The following WDR17 variants were observed in gnomAD, a reference collection of about 807,000 sequenced individuals.
WDR17 encodes WD repeat-containing protein 17.
In WDR17, 143 loss-of-function variants were observed where a neutral mutation model predicts 161.7. The observed-to-expected ratio is 0.88, with a 90% CI of 0.77 to 1.02. The LOEUF is 1.02. WDR17 is among the 50% of genes least tolerant of loss of function. The probability of loss-of-function intolerance (pLI) is 0.00; values close to 1 mark genes in which losing one functional copy is unlikely to be tolerated. For synonymous variants in WDR17, 517 were observed against 515.6 expected (o/e 1.00, Z -0.04); for missense variants, 1,469 against 1,520.9 (o/e 0.97, Z 0.57).
At chr4:176,096,431 T>C (rs1052269026) in intron 1 of WDR17, 2 of 1,046,058 alleles carry the variant, frequency 1.9e-6, no homozygotes, top group Non-Finnish European at 2.8e-6. Context: ...TGGTAAATCT[T>C]GTTTGGTTGA....
Position 176,122,153 on chromosome 4 carries a change from G to A in WDR17, c.538+2056G>A, listed in dbSNP as rs539049933. On this transcript the variant is annotated intron_variant, in intron 4 of 28. Coordinates refer to ENST00000508596, the MANE Select transcript of WDR17 (RefSeq NM_181265.4). ...GGATCTGTTCCAGGCCTGTCTCCTGGCTTCCTGTTCCTTGGCTTGTGGCAG... is the reference window on the plus strand; with the variant it reads ...GGATCTGTTCCAGGCCTGTCTCCTGACTTCCTGTTCCTTGGCTTGTGGCAG... Among the ~76,000 whole-genome samples the A allele has an allele frequency of 1.1e-4, 16 of 152,264 alleles. No individual in the cohort carries two copies. In the East Asian group the frequency reaches 1.7e-3, roughly 17 times the overall value.
At chr4:176,133,270 A>C (rs1743825869) in intron 7 of WDR17, among the ~76,000 whole-genome samples, 1 of 130,648 alleles carries the variant, frequency 7.7e-6, no homozygotes, top group Non-Finnish European at 1.7e-5. Context: ...AAAAAAAAAA[A>C]AAAAGAAGAA....
At chr4:176,152,043 A>T in intron 17 of WDR17, 76 bp downstream of exon 17, 1 of 1,458,838 alleles carries the variant, frequency 6.9e-7, no homozygotes, top group Non-Finnish European at 9.2e-7. Flanking sequence ...AATTTTAAGT[A>T]TTAAAAATAA....
At chr4:176,128,443 C>A (rs1054802791) in intron 5 of WDR17, among the ~76,000 whole-genome samples, 2 of 151,962 alleles carry the variant, frequency 1.3e-5, no homozygotes, top group African/African-American at 2.4e-5. Flanking sequence ...TCAATAGGGT[C>A]TTTTTTTGTG....
intron 2 of WDR17, among the ~76,000 whole-genome samples, chr4:176,115,386 T>C (rs186624030): frequency 6.6e-6 from 1 of 152,120 alleles, no homozygotes; most frequent in East Asian, 1.9e-4. Flanking sequence ...AGTGTAATAA[T>C]GAGCAGTTGG....
chr4:176,125,348 A>C lies in WDR17; in HGVS notation c.783A>C (p.Ile261=). Residue 261 remains isoleucine (I), a synonymous_variant, in exon 5 of 29, where the codon ATA becomes ATC. Transcript: ENST00000508596. Reference sequence around the variant, plus strand: ...TTCCCAGTGCTCCTGGGATGTTTATAACTGGAGGTAAGCTAATCCCCATAA... The same window carrying C: ...TTCCCAGTGCTCCTGGGATGTTTATCACTGGAGGTAAGCTAATCCCCATAA... The part of the protein sequence containing the change: ...AWVPSAPGMF[I]TGDSQVGVLR... 2 of 1,613,918 alleles carry C rather than the reference A, an allele frequency of 1.2e-6. No homozygotes were observed. Among genetic ancestry groups the C allele is most frequent in the Non-Finnish European group, 1.7e-6 (2 of 1,179,826 alleles).
At chr4:176,073,595 T>C (rs1198262218) in intron 1 of WDR17, among the ~76,000 whole-genome samples, 2 of 151,366 alleles carry the variant, frequency 1.3e-5, no homozygotes, top group South Asian at 2.1e-4. Context: ...AGCAGCATGA[T>C]TTATAATCCT....
chr4:176,108,942 A>G (rs1739262128), intron 1 of WDR17, among the ~76,000 whole-genome samples: 1 of 152,044 alleles, frequency 6.6e-6, no homozygotes, highest in African/African-American at 2.4e-5. Context: ...GGCACGCGCC[A>G]CCACCCCTGG....
intron 25 of WDR17, 114 bp from the exon 26 acceptor site, chr4:176,174,503 A>G: frequency 1.5e-6 from 1 of 661,542 alleles, no homozygotes. Context: ...TTCTAAACAT[A>G]TATTGCTATA....
At position 176,160,104 on chromosome 4, in the gene WDR17, A is replaced by ATT. The variant is rs1434881463; in HGVS notation, c.2636_2637insTT (p.Lys879AsnfsTer2). On this transcript the variant is annotated frameshift_variant, in exon 19 of 29. Coordinates refer to ENST00000508596, the MANE Select transcript of WDR17 (RefSeq NM_181265.4). LOFTEE classifies it high-confidence loss of function. ...TTTTTCATGTCAAGAGGTCAGCTTA[A>ATT]AGAAGCTCTGCTTGTTGCACAGGTA... 6.2e-7 allele frequency: 1 copy of ATT among 1,613,708 alleles called. No homozygotes were observed. Among genetic ancestry groups the ATT allele is most frequent in the Non-Finnish European group, 8.5e-7 (1 of 1,179,816 alleles).
At chr4:176,094,018 G>T (rs1736467737) in intron 1 of WDR17, among the ~76,000 whole-genome samples, 2 of 152,000 alleles carry the variant, frequency 1.3e-5, no homozygotes, top group African/African-American at 4.8e-5. Flanking sequence ...TATTTACACT[G>T]GACTTATAAT....
At chr4:176,117,091 A>G (rs924693392) in intron 3 of WDR17, among the ~76,000 whole-genome samples, 1 of 152,000 alleles carries the variant, frequency 6.6e-6, no homozygotes, top group Non-Finnish European at 1.5e-5. Flanking sequence ...AAAATATTGT[A>G]AAAAGTCAGC....
chr4:176,078,635 A>T (rs1734356881), intron 1 of WDR17, among the ~76,000 whole-genome samples: 1 of 152,134 alleles, frequency 6.6e-6, no homozygotes, highest in Non-Finnish European at 1.5e-5. Flanking sequence ...AAATTCTTCA[A>T]CTGGAAGATA....
intron 3 of WDR17, among the ~76,000 whole-genome samples, chr4:176,118,667 C>G (rs1051817087): frequency 9.9e-5 from 15 of 152,254 alleles, no homozygotes; most frequent in Non-Finnish European, 2.1e-4. Flanking sequence ...ACCCCTCCTT[C>G]TAGGTATAAT....
intron 3 of WDR17, among the ~76,000 whole-genome samples, chr4:176,116,370 T>C (rs1740640021): frequency 6.6e-6 from 1 of 151,904 alleles, no homozygotes; most frequent in Non-Finnish European, 1.5e-5. Context: ...ATGCATATAT[T>C]TGATGCATTG....
chr4:176,087,796 C>A (rs1735607651), intron 1 of WDR17, among the ~76,000 whole-genome samples: 1 of 152,014 alleles, frequency 6.6e-6, no homozygotes, highest in East Asian at 1.9e-4. Flanking sequence ...AAATTTCAGC[C>A]ATTGTGTTTT....
intron 1 of WDR17, among the ~76,000 whole-genome samples, chr4:176,077,937 A>G (rs942661209): frequency 2.6e-5 from 4 of 152,110 alleles, no homozygotes; most frequent in Admixed American, 6.6e-5. Context: ...CCTAAATTTC[A>G]AGATTAAACA....
At chr4:176,123,279 A>C (rs1265059090) in intron 4 of WDR17, among the ~76,000 whole-genome samples, 1 of 152,182 alleles carries the variant, frequency 6.6e-6, no homozygotes, top group Non-Finnish European at 1.5e-5. Context: ...CTCACAGCAC[A>C]GTTCTGACAC....
At chr4:176,096,930 A>T (rs1014114380) in intron 1 of WDR17, among the ~76,000 whole-genome samples, 6 of 151,880 alleles carry the variant, frequency 4.0e-5, no homozygotes, top group African/African-American at 1.2e-4. Flanking sequence ...AAAGAAAATC[A>T]TTTCATGAAA....
Sources: allele counts gnomAD v4.1 joint callset (sites outside exome capture counted in the v4.1 genomes callset), GRCh38; gene constraint gnomAD v4.1.1; transcripts MANE v1.5; gene names NCBI Gene and HGNC (gene_info 2026-07-23, HGNC 2026-07-21).